RPTOR: variants seen among roughly 807,000 people sequenced by gnomAD.
RPTOR encodes regulatory associated protein of MTOR complex 1, also known as regulatory-associated protein of mTOR.
A neutral mutation model predicts 169.9 loss-of-function variants in RPTOR; 21 were observed. The observed-to-expected ratio is 0.12, with a 90% confidence interval of 0.09 to 0.18. RPTOR has a LOEUF of 0.18. RPTOR is among the 10% of genes least tolerant of loss of function. The pLI, the probability that RPTOR is intolerant of heterozygous loss-of-function variation, is 1.00. For synonymous variants in RPTOR, 732 were observed against 753.2 expected (o/e 0.97, Z 0.46); for missense variants, 1,133 against 1,855.9 (o/e 0.61, Z 7.16).
intron 3 of RPTOR, among the ~76,000 whole-genome samples, chr17:80,689,440 T>C (rs2065973061): frequency 6.6e-6 from 1 of 152,224 alleles, no homozygotes; most frequent in African/African-American, 2.4e-5. Context: ...GTGTGGGCAG[T>C]GAGGCCTCGT....
intron 3 of RPTOR, among the ~76,000 whole-genome samples, chr17:80,662,488 G>A (rs2065732179): frequency 6.6e-6 from 1 of 151,994 alleles, no homozygotes; most frequent in South Asian, 2.1e-4. Context: ...ATTGGTTGGG[G>A]GGTGAAGTCA....
intron 10 of RPTOR, among the ~76,000 whole-genome samples, chr17:80,842,456 C>T (rs912993687): frequency 6.6e-6 from 1 of 152,138 alleles, no homozygotes; most frequent in Admixed American, 6.5e-5. Context: ...AGTGATCCTT[C>T]GGGGTCCCAG....
At chr17:80,826,221 A>C (rs1598333454) in intron 9 of RPTOR, among the ~76,000 whole-genome samples, 1 of 152,084 alleles carries the variant, frequency 6.6e-6, no homozygotes, top group African/African-American at 2.4e-5. Context: ...TGTAAGAGAA[A>C]ATCTCACCTG....
At chr17:80,548,371 G>GTTTTTTT (rs34301408) in intron 1 of RPTOR, among the ~76,000 whole-genome samples, 2 of 63,438 alleles carry the variant, frequency 3.2e-5, no homozygotes, top group South Asian at 9.9e-4. Context: ...GCCTGGGGTG[G>GTTTTTTT]TTTTTTTTTT....
At chr17:80,840,648 ACTCTCACCACACCACAGCT>A (rs2067626831) in intron 10 of RPTOR, among the ~76,000 whole-genome samples, 1 of 60,170 alleles carries the variant, frequency 1.7e-5, no homozygotes, top group East Asian at 4.9e-4. Flanking sequence ...ACGGCAGCTC[ACTCTCACCACACCACAGCT>A]CACTCTCACC....
At chr17:80,688,585 G>T (rs1461546849) in intron 3 of RPTOR, among the ~76,000 whole-genome samples, 1 of 152,200 alleles carries the variant, frequency 6.6e-6, no homozygotes, top group Non-Finnish European at 1.5e-5. Flanking sequence ...AGGGACGGCC[G>T]TTCTCCTTTG....
intron 24 of RPTOR, among the ~76,000 whole-genome samples, chr17:80,929,726 G>A (rs1285470566): frequency 6.6e-6 from 1 of 152,176 alleles, no homozygotes; most frequent in Non-Finnish European, 1.5e-5. Context: ...CAGTGAAGGA[G>A]CGACTTGAGA....
chr17:80,821,616 C>T (rs927452133), intron 7 of RPTOR, among the ~76,000 whole-genome samples: 4 of 152,270 alleles, frequency 2.6e-5, no homozygotes, highest in Admixed American at 2.0e-4. Context: ...CGTCATCTGC[C>T]GTCACTTGCC....
chr17:80,886,732 C>G (rs1315442826), intron 17 of RPTOR, among the ~76,000 whole-genome samples: 2 of 152,198 alleles, frequency 1.3e-5, no homozygotes, highest in Non-Finnish European at 2.9e-5. Flanking sequence ...GCCTGCACGG[C>G]TGCCTGCTGA....
chr17:80,828,305 G>A (rs558365349), intron 9 of RPTOR, among the ~76,000 whole-genome samples: 5 of 152,254 alleles, frequency 3.3e-5, no homozygotes, highest in Non-Finnish European at 5.9e-5. Context: ...AAGGATGTGC[G>A]CCTCATATGA....
chr17:80,721,092 C>G lies in RPTOR; in HGVS notation c.508-9468C>G, dbSNP rs2066282132. 6.6e-6 allele frequency among the ~76,000 whole-genome samples: 1 copy of G among 150,968 alleles called. No homozygotes were observed. The highest frequency in any genetic ancestry group is 1.5e-5 in the Non-Finnish European group (1 of 68,030). On this transcript the variant is annotated intron_variant, in intron 4 of 33. Coordinates refer to ENST00000306801, the MANE Select transcript of RPTOR (RefSeq NM_020761.3). The surrounding 1 kb of genome is among the most constrained non-coding windows in gnomAD (Gnocchi z 4.7). ...CCTAGGAGGTGAGGAGGGGCTACGT[C>G]TGCCGGGTCTCCAAGCAGGAGTGAG... is the stretch of plus-strand genomic sequence containing the variant.
intron 7 of RPTOR, among the ~76,000 whole-genome samples, chr17:80,796,130 C>G (rs532664112): frequency 6.6e-6 from 1 of 152,336 alleles, no homozygotes; most frequent in East Asian, 1.9e-4. Flanking sequence ...CATTCTCACA[C>G]TGCTGTCAAG....
chr17:80,778,124 T>C lies in RPTOR; in HGVS notation c.831-13326T>C, dbSNP rs553579590. Among the ~76,000 whole-genome samples, 20 of 152,360 alleles carry C rather than the reference T, an allele frequency of 1.3e-4. 1 individual carries two copies. The South Asian group carries it at 3.9e-3, about 30-fold the overall frequency. On this transcript the variant is annotated intron_variant, in intron 6 of 33. Transcript: ENST00000306801. ...CTGAAAAATACTGTTTTTCATGGAT[T>C]AATCAAATTACCAACATTACTTTAA...
intron 1 of RPTOR, among the ~76,000 whole-genome samples, chr17:80,598,372 A>G (rs1300714993): frequency 6.6e-6 from 1 of 152,230 alleles, no homozygotes; most frequent in Non-Finnish European, 1.5e-5. Context: ...GGGCAGCCCA[A>G]GATAACAAAT....
chr17:80,594,826 G>A (rs889801170), intron 1 of RPTOR, among the ~76,000 whole-genome samples: 1 of 152,212 alleles, frequency 6.6e-6, no homozygotes, highest in African/African-American at 2.4e-5. Context: ...TGGTGAGTAG[G>A]ATTTCTCCCA....
rs117535347 is a variant in RPTOR at position 80,741,287 on chromosome 17, C to T, written c.654+10581C>T. On this transcript the variant is annotated intron_variant, in intron 5 of 33. Transcript: ENST00000306801. The stretch of plus-strand genomic sequence containing the variant: ...CCTCCCTGGCAGTGTGGGGGCCTTC[C>T]GAGTGGAGGGTGGTGCTGGTGTGGG... Among the ~76,000 whole-genome samples the T allele has an allele frequency of 1.4e-4, 22 of 152,174 alleles. 1 individual carries two copies. In the South Asian group the frequency reaches 1.5e-3, roughly 10 times the overall value.
chr17:80,678,167 T>G (rs1451785053), intron 3 of RPTOR, among the ~76,000 whole-genome samples: 2 of 152,356 alleles, frequency 1.3e-5, no homozygotes, highest in East Asian at 3.9e-4. Flanking sequence ...TCTGTCCACC[T>G]TGGGTTGTAG....
Position 80,721,300 on chromosome 17 carries a change from A to T in RPTOR, c.508-9260A>T, listed in dbSNP as rs2066284166. 1.3e-5 allele frequency among the ~76,000 whole-genome samples: 2 copies of T among 151,502 alleles called. No homozygotes were observed. The highest frequency in any genetic ancestry group is 1.3e-4 in the Admixed American group (2 of 15,280). On this transcript the variant is annotated intron_variant, in intron 4 of 33. Coordinates refer to ENST00000306801, the MANE Select transcript of RPTOR (RefSeq NM_020761.3). This position sits in a 1 kb window ranked among gnomAD's most constrained non-coding sequence, Gnocchi z 4.7. ...CAGCACTGTGGAAACTGTTCTCACG[A>T]CTGTGAGTCATTGAGGCTCCTGGAC...
In RPTOR at chr17:80,651,485, C is replaced by T. The variant is rs2065638839; in HGVS notation, c.348+7675C>T. 6.6e-6 allele frequency among the ~76,000 whole-genome samples: 1 copy of T among 152,214 alleles called. No homozygotes were observed. Among genetic ancestry groups the T allele is most frequent in the Non-Finnish European group, 1.5e-5 (1 of 68,034 alleles). ...GGTGTTCACAAGGGCTTCTGTACAG[C>T]TCCCTCCCAAATGTCCGCGATTTAC... On this transcript the variant is annotated intron_variant, in intron 3 of 33. Transcript: ENST00000306801. The surrounding 1 kb of genome is among the most constrained non-coding windows in gnomAD (Gnocchi z 4.1).
Sources: allele counts gnomAD v4.1 joint callset (sites outside exome capture counted in the v4.1 genomes callset), GRCh38; gene constraint gnomAD v4.1.1; non-coding constraint Gnocchi (gnomAD v3.1); transcripts MANE v1.5; gene names NCBI Gene and HGNC (gene_info 2026-07-23, HGNC 2026-07-21).